The following FOXP2 variants were observed in gnomAD, a reference collection of about 807,000 sequenced individuals.
The protein encoded by FOXP2 is forkhead box P2, also known as forkhead box protein P2.
FOXP2 carries 12 observed loss-of-function variants against 115.8 expected under a neutral mutation model. That is an observed-to-expected ratio of 0.10 (90% confidence interval 0.07 to 0.17). FOXP2 has a LOEUF of 0.17. FOXP2 is among the 10% of genes least tolerant of loss of function. FOXP2 has a pLI of 1.00. For missense variants in FOXP2, 629 were observed against 843.5 expected (o/e 0.75, Z 3.15); for synonymous variants, 328 against 297.7 (o/e 1.10, Z -1.05).
intron 1 of FOXP2, among the ~76,000 whole-genome samples, chr7:114,228,034 T>C (rs1794785207): frequency 6.6e-6 from 1 of 152,082 alleles, no homozygotes; most frequent in Non-Finnish European, 1.5e-5. Context: ...CATTGGGCTT[T>C]TTCTTATAAT....
chr7:114,579,081 A>C (rs1801712140), intron 3 of FOXP2, among the ~76,000 whole-genome samples: 1 of 152,144 alleles, frequency 6.6e-6, no homozygotes, highest in Non-Finnish European at 1.5e-5. Context: ...AAGGACCAAA[A>C]TCTGAGGGTT....
chr7:114,240,547 T>A (rs759656753), intron 1 of FOXP2, among the ~76,000 whole-genome samples: 5 of 152,082 alleles, frequency 3.3e-5, no homozygotes, highest in Non-Finnish European at 7.4e-5. Flanking sequence ...CTTTATTTCA[T>A]GAGTATTGTG....
intron 2 of FOXP2, among the ~76,000 whole-genome samples, chr7:114,342,251 A>G (rs1791235008): frequency 6.6e-6 from 1 of 151,356 alleles, no homozygotes; most frequent in African/African-American, 2.4e-5. Flanking sequence ...AATGTAAATT[A>G]TTATATAAGT....
At chr7:114,612,267 A>G (rs1437691826) in intron 3 of FOXP2, among the ~76,000 whole-genome samples, 1 of 152,020 alleles carries the variant, frequency 6.6e-6, no homozygotes, top group African/African-American at 2.4e-5. Flanking sequence ...AGCTGCCTTG[A>G]TGGAAGAGCA....
chr7:114,396,484 G>A (rs1792744237), intron 2 of FOXP2, among the ~76,000 whole-genome samples: 3 of 151,984 alleles, frequency 2.0e-5, no homozygotes, highest in Admixed American at 2.0e-4. Context: ...TCAACATACT[G>A]ATTTCATTTT....
At chr7:114,133,533 T>C (rs1243248563) in intron 1 of FOXP2, among the ~76,000 whole-genome samples, 2 of 152,208 alleles carry the variant, frequency 1.3e-5, no homozygotes, top group Non-Finnish European at 2.9e-5. Flanking sequence ...ACTGTTGATA[T>C]TTTGAGTAAA....
At chr7:114,581,069 A>T (rs1300311314) in intron 3 of FOXP2, among the ~76,000 whole-genome samples, 2 of 79,498 alleles carry the variant, frequency 2.5e-5, no homozygotes, top group Admixed American at 1.5e-4. Flanking sequence ...ACTCACATAA[A>T]CACATGCACA....
intron 8 of FOXP2, among the ~76,000 whole-genome samples, chr7:114,650,765 C>T (rs1219205230): frequency 6.6e-6 from 1 of 151,940 alleles, no homozygotes; most frequent in Non-Finnish European, 1.5e-5. Context: ...AGCCACACTC[C>T]TTCAGCTTGA....
At chr7:114,663,830 A>T (rs1301768938) in intron 15 of FOXP2, among the ~76,000 whole-genome samples, 1 of 152,174 alleles carries the variant, frequency 6.6e-6, no homozygotes, top group Non-Finnish European at 1.5e-5. Flanking sequence ...ATGATTTCAC[A>T]TCATAGTGTT....
intron 3 of FOXP2, among the ~76,000 whole-genome samples, chr7:114,599,738 C>A (rs1802922163): frequency 6.6e-6 from 1 of 151,824 alleles, no homozygotes; most frequent in African/African-American, 2.4e-5. Flanking sequence ...TTATTTCTGT[C>A]TTTTTTTAAA....
At chr7:114,572,244 C>A (rs7783230) in intron 3 of FOXP2, among the ~76,000 whole-genome samples, 12,778 of 145,730 alleles carry the variant, frequency 0.088, 603 homozygotes, top group Middle Eastern at 0.17. Context: ...TGGTAAATGT[C>A]AAAAAAAAAA....
chr7:114,689,896 A>G lies in FOXP2; in HGVS notation c.2118A>G (p.Glu706=), dbSNP rs1038579564. 1.4e-5 allele frequency: 22 copies of G among 1,613,342 alleles called. No individual in the cohort carries two copies. The highest frequency in any genetic ancestry group is 1.5e-5 in the Non-Finnish European group (18 of 1,179,546). ...SPELEDDREI[E]EEPLSEDLE Reference sequence around the variant, plus strand: ...AATTAGAAGACGACAGAGAGATTGAAGAAGAGCCTTTATCTGAAGATCTGG... The same window carrying G: ...AATTAGAAGACGACAGAGAGATTGAGGAAGAGCCTTTATCTGAAGATCTGG... The change falls in exon 17 of 17, where the codon GAA becomes GAG. Residue 706 remains glutamate (E), a synonymous_variant. Transcript: ENST00000350908.
intron 3 of FOXP2, among the ~76,000 whole-genome samples, chr7:114,555,021 C>A (rs940678678): frequency 6.6e-6 from 1 of 151,932 alleles, no homozygotes; most frequent in Non-Finnish European, 1.5e-5. Flanking sequence ...CTAGGGCCAG[C>A]GAAAAAGAAG....
At chr7:114,484,132 C>A (rs1796674031) in intron 2 of FOXP2, among the ~76,000 whole-genome samples, 1 of 151,756 alleles carries the variant, frequency 6.6e-6, no homozygotes, top group Non-Finnish European at 1.5e-5. Context: ...TCAAAACGAT[C>A]TTTTAAAGTA....
intron 1 of FOXP2, among the ~76,000 whole-genome samples, chr7:114,214,699 C>T (rs1794445130): frequency 6.6e-6 from 1 of 152,118 alleles, no homozygotes; most frequent in Non-Finnish European, 1.5e-5. Flanking sequence ...ACTGCCTTCC[C>T]CCCTTACTCC....
chr7:114,509,333 A>G (rs1255303548), intron 2 of FOXP2, among the ~76,000 whole-genome samples: 1 of 151,888 alleles, frequency 6.6e-6, no homozygotes, highest in Non-Finnish European at 1.5e-5. Context: ...CCCAGGCTGG[A>G]GTGCAATAAG....
At chr7:114,247,043 T>C (rs1231009872) in intron 1 of FOXP2, among the ~76,000 whole-genome samples, 4 of 152,196 alleles carry the variant, frequency 2.6e-5, no homozygotes, top group Non-Finnish European at 5.9e-5. Context: ...TGCATTTTGT[T>C]TAAAGTTGTT....
At chr7:114,105,435 G>C (rs576138794) in intron 1 of FOXP2, among the ~76,000 whole-genome samples, 137 of 152,164 alleles carry the variant, frequency 9.0e-4, no homozygotes, top group Non-Finnish European at 1.6e-3. Flanking sequence ...TCTAAAATTA[G>C]TTTGTGATAA....
intron 3 of FOXP2, among the ~76,000 whole-genome samples, chr7:114,600,614 G>A (rs1266707565): frequency 6.6e-6 from 1 of 152,132 alleles, no homozygotes; most frequent in African/African-American, 2.4e-5. Context: ...TAGATGTATT[G>A]TGTTACATTC....
Sources: gnomAD v4.1 joint callset for allele counts (sites outside exome capture counted in the v4.1 genomes callset) on GRCh38, gnomAD v4.1.1 for gene constraint, MANE v1.5 for transcripts, NCBI Gene and HGNC (gene_info 2026-07-23, HGNC 2026-07-21) for gene names.